The following IQCM variants were observed in gnomAD, a reference collection of about 807,000 sequenced individuals.
IQCM encodes the protein IQ domain-containing protein M.
A neutral mutation model predicts 57.6 loss-of-function variants in IQCM; 45 were observed. The observed-to-expected ratio is 0.78, with a 90% CI of 0.62 to 1.00. The LOEUF (loss-of-function observed/expected upper bound fraction) is 1.00. Among genes scored for constraint, IQCM ranks in the 50% least tolerant of loss-of-function variants. The pLI is 0.00. For missense variants in IQCM, 468 were observed against 511.6 expected (o/e 0.91, Z 0.82); for synonymous variants, 148 against 158.9 (o/e 0.93, Z 0.51).
intron 8 of IQCM, among the ~76,000 whole-genome samples, chr4:149,619,503 A>G (rs1403710468): frequency 6.6e-6 from 1 of 152,142 alleles, no homozygotes; most frequent in East Asian, 1.9e-4. Context: ...ATTAGAAATA[A>G]AAAAATTAGC....
intron 7 of IQCM, among the ~76,000 whole-genome samples, chr4:149,672,526 A>C (rs1420100875): frequency 6.6e-6 from 1 of 152,202 alleles, no homozygotes; most frequent in African/African-American, 2.4e-5. Flanking sequence ...AAAGGGTATC[A>C]ATGATTGAAG....
At chr4:149,416,449 T>C (rs527554735) in intron 13 of IQCM, among the ~76,000 whole-genome samples, 4 of 152,150 alleles carry the variant, frequency 2.6e-5, no homozygotes, top group Non-Finnish European at 5.9e-5. Flanking sequence ...TTCATCTCTT[T>C]CATAAGGCAG....
intron 7 of IQCM, among the ~76,000 whole-genome samples, chr4:149,644,672 A>G (rs1453713512): frequency 6.6e-6 from 1 of 152,180 alleles, no homozygotes; most frequent in Non-Finnish European, 1.5e-5. Context: ...TACAAATGCA[A>G]GAGGTTCTCT....
intron 8 of IQCM, among the ~76,000 whole-genome samples, chr4:149,596,774 C>T (rs72726146): frequency 0.017 from 2,637 of 152,126 alleles, 39 homozygotes; most frequent in Non-Finnish European, 0.028. Context: ...GGGCCCCCAC[C>T]AAAAAAGTTT....
At chr4:149,396,783 A>G (rs1013854993) in intron 13 of IQCM, among the ~76,000 whole-genome samples, 10 of 151,976 alleles carry the variant, frequency 6.6e-5, no homozygotes, top group Admixed American at 3.9e-4. Flanking sequence ...ACTACTTTAC[A>G]TACGTAATGT....
chr4:149,637,162 G>GAAAAAAAAAAAAA, intron 7 of IQCM, among the ~76,000 whole-genome samples: 1 of 99,454 alleles, frequency 1.0e-5, no homozygotes. Context: ...AAAAAAAAAA[G>GAAAAAAAAAAAAA]AAAAAAAAAA....
intron 2 of IQCM, among the ~76,000 whole-genome samples, chr4:149,758,865 A>G (rs1769235507): frequency 6.6e-6 from 1 of 151,944 alleles, no homozygotes; most frequent in African/African-American, 2.4e-5. Flanking sequence ...ATGCGAAATG[A>G]TACAGCCACT....
At chr4:149,658,928 A>G (rs916622631) in intron 7 of IQCM, among the ~76,000 whole-genome samples, 1 of 152,072 alleles carries the variant, frequency 6.6e-6, no homozygotes, top group African/African-American at 2.4e-5. Context: ...AAACAGGAAC[A>G]CTTTGACCTT....
At chr4:149,356,095 G>A (rs1178495650) in intron 13 of IQCM, among the ~76,000 whole-genome samples, 1 of 152,056 alleles carries the variant, frequency 6.6e-6, no homozygotes, top group African/African-American at 2.4e-5. Flanking sequence ...GGGGCTGTTT[G>A]TTTTTTTCTT....
rs1748808384 is a variant in IQCM at position 149,549,482 on chromosome 4, C to T, written c.1094-893G>A. Among the ~76,000 whole-genome samples, 4 of 152,192 alleles carry T rather than the reference C, an allele frequency of 2.6e-5. No individual in the cohort carries two copies. In the South Asian group the frequency reaches 8.3e-4, roughly 32 times the overall value. ...GCAGTGAGCCGAGATCCCGCCACTGCACTCCAGCCTGGGCGACAGAGCGAG... is the reference window on the plus strand; with the variant it reads ...GCAGTGAGCCGAGATCCCGCCACTGTACTCCAGCCTGGGCGACAGAGCGAG... On this transcript the variant is annotated intron_variant, in intron 11 of 13. Transcript: ENST00000636793.
intron 3 of IQCM, among the ~76,000 whole-genome samples, chr4:149,738,611 G>A (rs1017712274): frequency 6.6e-6 from 1 of 152,160 alleles, no homozygotes; most frequent in African/African-American, 2.4e-5. Context: ...TTACAGTCAG[G>A]CCATGAGATT....
intron 2 of IQCM, among the ~76,000 whole-genome samples, chr4:149,754,178 CCCTGTCTGAG>C (rs979419800): frequency 1.6e-4 from 24 of 152,230 alleles, no homozygotes; most frequent in African/African-American, 5.5e-4. Context: ...TTCAGAATTG[CCCTGTCTGAG>C]GAGTCACACA....
At chr4:149,396,330 A>G (rs1052514612) in intron 13 of IQCM, among the ~76,000 whole-genome samples, 1 of 151,758 alleles carries the variant, frequency 6.6e-6, no homozygotes, top group South Asian at 2.1e-4. Flanking sequence ...ATATACATAC[A>G]TATATTTTAT....
intron 2 of IQCM, chr4:149,780,173 A>C (rs994329178): frequency 3.3e-5 from 5 of 152,176 alleles, no homozygotes; most frequent in Admixed American, 3.3e-4. Context: ...AGTCCCTACA[A>C]GTGAGGAGTA....
intron 12 of IQCM, among the ~76,000 whole-genome samples, chr4:149,451,208 G>A (rs572258466): frequency 1.3e-3 from 191 of 151,776 alleles, no homozygotes; most frequent in African/African-American, 4.4e-3. Flanking sequence ...GAAGGGTCAG[G>A]GGAGATGGGG....
At chr4:149,784,479 C>G (rs547793329) in intron 2 of IQCM, among the ~76,000 whole-genome samples, 2 of 152,278 alleles carry the variant, frequency 1.3e-5, no homozygotes, top group East Asian at 3.9e-4. Flanking sequence ...GCAGTGGCGC[C>G]ATCTAGGCTC....
chr4:149,779,658 T>C (rs1024958957), intron 2 of IQCM, among the ~76,000 whole-genome samples: 7 of 152,136 alleles, frequency 4.6e-5, no homozygotes, highest in Middle Eastern at 3.4e-3. Flanking sequence ...GAAAAATAAA[T>C]CAGATAGAAC....
intron 7 of IQCM, among the ~76,000 whole-genome samples, chr4:149,668,915 A>C (rs1454244514): frequency 1.3e-5 from 2 of 152,182 alleles, no homozygotes; most frequent in African/African-American, 4.8e-5. Flanking sequence ...GAAAAGTGAG[A>C]GAGATAGAGA....
At chr4:149,592,949 T>C (rs1427630812) in intron 8 of IQCM, among the ~76,000 whole-genome samples, 3 of 152,222 alleles carry the variant, frequency 2.0e-5, no homozygotes, top group East Asian at 1.9e-4. Context: ...GGCTCTTTTT[T>C]GGTTGCATAT....
Sources: allele counts gnomAD v4.1 joint callset (sites outside exome capture counted in the v4.1 genomes callset), GRCh38; gene constraint gnomAD v4.1.1; transcripts MANE v1.5; gene names NCBI Gene and HGNC (gene_info 2026-07-23, HGNC 2026-07-21).